Variants in CCDC171 observed in about 807,000 individuals in gnomAD.
CCDC171 encodes coiled-coil domain containing 171, also known as coiled-coil domain-containing protein 171.
Under a neutral mutation model 168.2 loss-of-function variants are expected in CCDC171, and 177 were observed. The observed-to-expected ratio is 1.05, with a 90% CI of 0.93 to 1.19. CCDC171 has a LOEUF of 1.19. Ranked by LOEUF, CCDC171 falls within the 50% of genes most tolerant of loss-of-function variation. The probability of loss-of-function intolerance (pLI) is 0.00; values close to 1 mark genes in which losing one functional copy is unlikely to be tolerated. For missense variants in CCDC171, 1,991 were observed against 1,539.0 expected, an observed-to-expected ratio of 1.29 and a Z score of -4.91; for synonymous variants, 687 against 540.8, an observed-to-expected ratio of 1.27 and a Z score of -3.75.
chr9:15,999,936 G>T (rs990813409), intron 3 of CCDC171, among the ~76,000 whole-genome samples: 5 of 152,264 alleles, frequency 3.3e-5, no homozygotes, highest in African/African-American at 1.2e-4. Context: ...TCTTCCTTCT[G>T]ACTCTTCTCC....
chr9:15,876,793 C>T (rs1172750466), intron 24 of CCDC171, among the ~76,000 whole-genome samples: 1 of 151,898 alleles, frequency 6.6e-6, no homozygotes, highest in Non-Finnish European at 1.5e-5. Context: ...TGGCTACTGA[C>T]TTGGGAATTC....
At chr9:15,882,587 A>C (rs1436664158) in intron 24 of CCDC171, among the ~76,000 whole-genome samples, 1 of 152,198 alleles carries the variant, frequency 6.6e-6, no homozygotes, top group Non-Finnish European at 1.5e-5. Context: ...AAAGTGAGAT[A>C]ACAATAGTGA....
the CCDC171 span, among the ~76,000 whole-genome samples, chr9:16,071,809 C>G: frequency 2.0e-5 from 3 of 152,198 alleles, no homozygotes; most frequent in Non-Finnish European, 4.4e-5. Context: ...CTGCCATTCT[C>G]TAGTCTGAGA....
At chr9:15,670,421 C>G (rs983129923) in intron 9 of CCDC171, among the ~76,000 whole-genome samples, 1 of 152,102 alleles carries the variant, frequency 6.6e-6, no homozygotes, top group Non-Finnish European at 1.5e-5. Flanking sequence ...TCATGAAAAA[C>G]AGCAGTTTCA....
intron 18 of CCDC171, among the ~76,000 whole-genome samples, chr9:15,764,504 A>G (rs1302244454): frequency 6.6e-6 from 1 of 152,160 alleles, no homozygotes. Flanking sequence ...TGAAAGAAAG[A>G]TAGGAATCAA....
rs534642043 is a variant in CCDC171 at position 16,050,351 on chromosome 9, T to C, written n.89+7465T>C. On this transcript the variant is annotated intron_variant and non_coding_transcript_variant, in intron 1 of 1. Transcript: ENST00000478913. Reference sequence around the variant, plus strand: ...TGCAATCGCCAAGCAATAATCCAGTTTGTGAATGGACAGCATATACTTTCA... The same window carrying C: ...TGCAATCGCCAAGCAATAATCCAGTCTGTGAATGGACAGCATATACTTTCA... Among the ~76,000 whole-genome samples the C allele has an allele frequency of 1.8e-3, 271 of 152,338 alleles. 1 individual carries two copies. The highest frequency in any genetic ancestry group is 6.4e-3 in the African/African-American group (264 of 41,566).
chr9:15,624,555 A>G (rs1010917807), intron 7 of CCDC171, among the ~76,000 whole-genome samples: 1 of 152,090 alleles, frequency 6.6e-6, no homozygotes, highest in African/African-American at 2.4e-5. Flanking sequence ...GAGTGAGAAC[A>G]TACGGTGTTT....
At chr9:15,867,609 T>G (rs1004094056) in intron 23 of CCDC171, among the ~76,000 whole-genome samples, 16 of 152,060 alleles carry the variant, frequency 1.1e-4, no homozygotes, top group African/African-American at 3.9e-4. Context: ...TATTGTTCGG[T>G]GTCATTCTGA....
intron 1 of CCDC171, among the ~76,000 whole-genome samples, chr9:16,048,231 T>C (rs912728382): frequency 6.6e-6 from 1 of 152,226 alleles, no homozygotes. Flanking sequence ...CCAGTACCAT[T>C]CTCCCTGATG....
At chr9:15,674,377 C>A (rs1284236726) in intron 9 of CCDC171, among the ~76,000 whole-genome samples, 1 of 152,034 alleles carries the variant, frequency 6.6e-6, no homozygotes, top group South Asian at 2.1e-4. Flanking sequence ...CTGCTCTGAT[C>A]TTATCTATTT....
At chr9:15,792,262 A>G (rs888496006) in intron 21 of CCDC171, among the ~76,000 whole-genome samples, 2 of 152,232 alleles carry the variant, frequency 1.3e-5, no homozygotes, top group African/African-American at 4.8e-5. Context: ...GTGAGAAGAG[A>G]AGTTTAGAGA....
At chr9:15,982,299 C>A (rs920926961) in intron 3 of CCDC171, among the ~76,000 whole-genome samples, 1 of 152,104 alleles carries the variant, frequency 6.6e-6, no homozygotes, top group East Asian at 1.9e-4. Context: ...AATTTAGAAC[C>A]GTATTCACTC....
intron 11 of CCDC171, among the ~76,000 whole-genome samples, chr9:15,700,310 T>C (rs1372094448): frequency 6.6e-6 from 1 of 152,210 alleles, no homozygotes; most frequent in African/African-American, 2.4e-5. Context: ...TGCCCGGGGC[T>C]GGCAGGGCCG....
chr9:15,861,452 C>G (rs942543256), intron 23 of CCDC171, among the ~76,000 whole-genome samples: 1 of 151,804 alleles, frequency 6.6e-6, no homozygotes, highest in African/African-American at 2.4e-5. Context: ...CTCCCTTGCT[C>G]TCATCCTTTG....
intron 24 of CCDC171, among the ~76,000 whole-genome samples, chr9:15,918,150 C>T (rs751195258): frequency 4.0e-5 from 6 of 151,490 alleles, no homozygotes; most frequent in Non-Finnish European, 5.9e-5. Context: ...CTCCAAGCTC[C>T]TGTGTTTTGC....
At chr9:16,007,091 C>G (rs1217473290) in intron 3 of CCDC171, among the ~76,000 whole-genome samples, 2 of 152,104 alleles carry the variant, frequency 1.3e-5, no homozygotes, top group African/African-American at 2.4e-5. Context: ...TCTCCAGCAC[C>G]CATTGTTTCC....
chr9:15,923,443 A>C (rs1825564283), intron 25 of CCDC171, among the ~76,000 whole-genome samples: 1 of 151,370 alleles, frequency 6.6e-6, no homozygotes, highest in South Asian at 2.1e-4. Flanking sequence ...GTAGAATCTA[A>C]ACAAGTAACC....
intron 7 of CCDC171, among the ~76,000 whole-genome samples, chr9:15,642,402 T>A (rs2046711659): frequency 7.1e-6 from 1 of 141,506 alleles, no homozygotes; most frequent in Non-Finnish European, 1.5e-5. Context: ...AACCAGAATT[T>A]TGTTCCGCTT....
At chr9:15,719,435 AG>A (rs2053318648) in intron 11 of CCDC171, among the ~76,000 whole-genome samples, 1 of 142,904 alleles carries the variant, frequency 7.0e-6, no homozygotes, top group Non-Finnish European at 1.5e-5. Context: ...AGAGAGAGAG[AG>A]AGAGAGAGAG....
Sources: allele counts gnomAD v4.1 joint callset (sites outside exome capture counted in the v4.1 genomes callset), GRCh38; gene constraint gnomAD v4.1.1; transcripts MANE v1.5; gene names NCBI Gene and HGNC (gene_info 2026-07-23, HGNC 2026-07-21).